The following EPHA6 variants were observed in gnomAD, a reference collection of about 807,000 sequenced individuals.
EPHA6 encodes EPH receptor A6.
Under a neutral mutation model 112.0 loss-of-function variants are expected in EPHA6, and 50 were observed. The observed-to-expected ratio is 0.45, with a 90% CI of 0.36 to 0.56. The LOEUF (loss-of-function observed/expected upper bound fraction) is 0.56, where lower values mean the gene tolerates loss of function less well. Ranked by LOEUF, EPHA6 falls within the 20% of genes least tolerant of loss-of-function variation. The probability of loss-of-function intolerance (pLI) is 0.00; values close to 1 mark genes in which losing one functional copy is unlikely to be tolerated. For missense variants in EPHA6, 1,280 were observed against 1,417.4 expected (o/e 0.90, Z 1.56); for synonymous variants, 529 against 490.7 (o/e 1.08, Z -1.03).
intron 14 of EPHA6, among the ~76,000 whole-genome samples, chr3:97,646,789 T>C (rs2094068030): frequency 6.6e-6 from 1 of 152,218 alleles, no homozygotes; most frequent in Non-Finnish European, 1.5e-5. Context: ...TGAAATGGGT[T>C]TACTTCTTAT....
chr3:97,469,529 T>A (rs985701112), intron 7 of EPHA6, among the ~76,000 whole-genome samples: 46 of 151,790 alleles, frequency 3.0e-4, no homozygotes, highest in African/African-American at 1.1e-3. Context: ...TCTAGCTGAT[T>A]TCAAATACAT....
At chr3:97,240,703 A>G (rs2078820598) in intron 4 of EPHA6, among the ~76,000 whole-genome samples, 1 of 151,850 alleles carries the variant, frequency 6.6e-6, no homozygotes, top group Non-Finnish European at 1.5e-5. Context: ...GTCAGACTTT[A>G]TTTAAGCATG....
At chr3:96,912,797 G>T (rs371653666) in intron 2 of EPHA6, among the ~76,000 whole-genome samples, 147 of 152,032 alleles carry the variant, frequency 9.7e-4, no homozygotes, top group African/African-American at 3.4e-3. Flanking sequence ...TCACTATGTT[G>T]CACAGGCTGG....
chr3:97,585,149 C>T (rs911512128), intron 11 of EPHA6, among the ~76,000 whole-genome samples: 1 of 151,992 alleles, frequency 6.6e-6, no homozygotes, highest in East Asian at 1.9e-4. Context: ...TTCAGTGTAG[C>T]GAATGGAATA....
chr3:97,192,869 A>G (rs1400587761), intron 3 of EPHA6, among the ~76,000 whole-genome samples: 1 of 152,146 alleles, frequency 6.6e-6, no homozygotes, highest in Non-Finnish European at 1.5e-5. Flanking sequence ...AGCATCAATT[A>G]TTAAATAAAA....
In EPHA6 at chr3:97,756,082, T is replaced by C. The variant is rs2036018346; in HGVS notation, c.*7381T>C. On this transcript the variant is annotated 3_prime_UTR_variant, in exon 18 of 18. Transcript: ENST00000389672. ...TTCACTTAGAGAAGCCATAATATAA[T>C]TCTTCATATTAGTTTATTTTTCAAA... Among the ~76,000 whole-genome samples, 1 of 152,032 alleles carries C rather than the reference T, an allele frequency of 6.6e-6. No individual in the cohort carries two copies. Among genetic ancestry groups the C allele is most frequent in the Non-Finnish European group, 1.5e-5 (1 of 67,870 alleles).
At chr3:97,620,019 C>T (rs897742019) in intron 13 of EPHA6, among the ~76,000 whole-genome samples, 6 of 152,006 alleles carry the variant, frequency 3.9e-5, no homozygotes, top group African/African-American at 1.4e-4. Flanking sequence ...TCAAACTATA[C>T]CATAGGACTA....
At chr3:96,990,683 A>G (rs769312744) in intron 3 of EPHA6, among the ~76,000 whole-genome samples, 12 of 152,136 alleles carry the variant, frequency 7.9e-5, no homozygotes, top group Non-Finnish European at 1.8e-4. Context: ...AAAGATATAT[A>G]TAGTGCACTA....
In EPHA6 at chr3:97,740,702, ACTAT is replaced by A. The variant is rs537205039; in HGVS notation, c.3128+4587_3128+4590del. Among the ~76,000 whole-genome samples the A allele has an allele frequency of 2.0e-4, 31 of 152,294 alleles. No individual in the cohort carries two copies. In the South Asian group the frequency reaches 6.2e-3, roughly 30 times the overall value. On this transcript the variant is annotated intron_variant, in intron 16 of 17. Transcript: ENST00000389672. ...GAATAATGCTGTAAGACTGAATAGTACTATCTCTCTCCATTTAGCGAATTATGCA... is the reference window on the plus strand; with the variant it reads ...GAATAATGCTGTAAGACTGAATAGTACTCTCTCCATTTAGCGAATTATGCA...
At chr3:97,608,590 A>C (rs2093696230) in intron 12 of EPHA6, among the ~76,000 whole-genome samples, 1 of 151,352 alleles carries the variant, frequency 6.6e-6, no homozygotes, top group Non-Finnish European at 1.5e-5. Flanking sequence ...TATCACTGTG[A>C]GAGACTTTTA....
At chr3:96,839,246 G>A (rs1171258184) in intron 1 of EPHA6, among the ~76,000 whole-genome samples, 1 of 152,062 alleles carries the variant, frequency 6.6e-6, no homozygotes, top group African/African-American at 2.4e-5. Flanking sequence ...GGGCAAGCAA[G>A]CATTACCGCC....
intron 5 of EPHA6, among the ~76,000 whole-genome samples, chr3:97,403,653 A>T (rs2087138401): frequency 6.6e-6 from 1 of 152,124 alleles, no homozygotes. Context: ...TCACCGTGTT[A>T]GCCAGGATGG....
At chr3:96,877,262 G>A (rs927515928) in intron 2 of EPHA6, among the ~76,000 whole-genome samples, 3 of 151,988 alleles carry the variant, frequency 2.0e-5, no homozygotes, top group African/African-American at 7.2e-5. Flanking sequence ...GGTAGAAAGT[G>A]TATACATTTG....
intron 14 of EPHA6, among the ~76,000 whole-genome samples, chr3:97,657,928 A>T (rs1247092842): frequency 1.3e-5 from 2 of 151,768 alleles, no homozygotes; most frequent in Admixed American, 1.3e-4. Flanking sequence ...ACACATATCC[A>T]ATTATTTCCT....
At chr3:97,148,190 G>GTT (rs1248139025) in intron 3 of EPHA6, among the ~76,000 whole-genome samples, 9 of 152,008 alleles carry the variant, frequency 5.9e-5, no homozygotes, top group African/African-American at 2.2e-4. Flanking sequence ...CACATCTTAG[G>GTT]TTGGTCACAT....
At chr3:97,642,624 C>T (rs1411960720) in intron 14 of EPHA6, among the ~76,000 whole-genome samples, 1 of 151,914 alleles carries the variant, frequency 6.6e-6, no homozygotes, top group African/African-American at 2.4e-5. Context: ...AACCAAGGCT[C>T]GAGAACTACG....
At chr3:96,833,861 C>G (rs1329135071) in intron 1 of EPHA6, among the ~76,000 whole-genome samples, 1 of 151,902 alleles carries the variant, frequency 6.6e-6, no homozygotes, top group Non-Finnish European at 1.5e-5. Context: ...TATTGTGCTA[C>G]AAATTACTAG....
chr3:97,549,708 G>A (rs1034534246), intron 11 of EPHA6, among the ~76,000 whole-genome samples: 2 of 152,108 alleles, frequency 1.3e-5, no homozygotes, highest in African/African-American at 4.8e-5. Flanking sequence ...TACTCAGGAG[G>A]CTGAGGCAGG....
chr3:97,218,481 G>A (rs982440133), intron 3 of EPHA6, among the ~76,000 whole-genome samples: 3 of 152,216 alleles, frequency 2.0e-5, no homozygotes, highest in Non-Finnish European at 2.9e-5. Context: ...CAAGACAGGA[G>A]GAAGGAGAAG....
Sources: gnomAD v4.1 joint callset for allele counts (sites outside exome capture counted in the v4.1 genomes callset) on GRCh38, gnomAD v4.1.1 for gene constraint, MANE v1.5 for transcripts, NCBI Gene and HGNC (gene_info 2026-07-23, HGNC 2026-07-21) for gene names.